ZNF319: variants seen among roughly 807,000 people sequenced by gnomAD.
The protein encoded by ZNF319 is zinc finger protein 319.
Under a neutral mutation model 46.0 loss-of-function variants are expected in ZNF319, and 15 were observed. The observed-to-expected ratio is 0.33, with a 90% CI of 0.22 to 0.50. The LOEUF is 0.50. Ranked by LOEUF, ZNF319 falls within the 20% of genes least tolerant of loss-of-function variation. The pLI is 0.98. For synonymous variants in ZNF319, 368 were observed against 364.0 expected (o/e 1.01, Z -0.13); for missense variants, 635 against 807.0 (o/e 0.79, Z 2.58).
Position 57,997,597 on chromosome 16 carries a change from G to A in ZNF319, c.669C>T (p.Ile223=). Residue 223 remains isoleucine, a synonymous_variant, in exon 2 of 2, where the codon ATC becomes ATT. Transcript: ENST00000299237. The part of the protein sequence containing the change: ...HLSELSRHER[I]HTGEKPYKCT... ...ACTTGTAGGGCTTCTCACCGGTGTGGATCCGCTCATGCCGAGAGAGCTCCG... is the reference window on the plus strand; with the variant it reads ...ACTTGTAGGGCTTCTCACCGGTGTGAATCCGCTCATGCCGAGAGAGCTCCG... 1 of 1,614,196 alleles carries A rather than the reference G, an allele frequency of 6.2e-7. No individual in the cohort carries two copies. Among genetic ancestry groups the A allele is most frequent in the Non-Finnish European group, 8.5e-7 (1 of 1,180,038 alleles).
Position 57,996,969 on chromosome 16 carries a change from A to T in ZNF319, c.1297T>A (p.Cys433Ser). 6.2e-7 allele frequency: 1 copy of T among 1,603,784 alleles called. No homozygotes were observed. The highest frequency in any genetic ancestry group is 8.5e-7 in the Non-Finnish European group (1 of 1,178,932). Residue 433 changes from cysteine (C) to serine (S), a missense_variant, in exon 2 of 2, where the codon TGC becomes AGC. Around this residue, in one of 3 missense-constraint regions of ZNF319, gnomAD observed 270 missense variants for 281.4 expected, o/e 0.96. Coordinates refer to ENST00000299237, the MANE Select transcript of ZNF319 (RefSeq NM_020807.3). ...AAERPFKCPV[C>S]NKAYKRASAL... is the part of the protein sequence containing the mutation. ...GACGCGCGCTTGTAGGCCTTGTTGC[A>T]CACAGGGCACTTGAAGGGCCGCTCG...
In ZNF319 at chr16:57,997,736, G is replaced by T; in HGVS notation, c.530C>A (p.Thr177Asn). The part of the protein sequence containing the change: ...YKPAEAAEPA[T>N]TAAPSLPAAP... ...TGCGGGAAGCGACGGGGCGGCTGTG[G>T]TGGCTGGCTCCGCTGCCTCAGCTGG... Residue 177 changes from threonine to asparagine, a missense_variant, in exon 2 of 2, where the codon ACC becomes AAC. By Grantham distance (65) the Thr-to-Asn change is moderately conservative. This residue lies in a region of ZNF319 where 227 missense variants were observed against 277.5 expected (regional missense o/e 0.82). Transcript: ENST00000299237. 1.2e-6 allele frequency: 2 copies of T among 1,613,584 alleles called. No individual in the cohort carries two copies. Among genetic ancestry groups the T allele is most frequent in the Middle Eastern group, 1.7e-4 (1 of 6,060 alleles).
rs556243288 is a variant in ZNF319 at position 57,996,388 on chromosome 16, C to T, written c.*129G>A. 7 of 1,428,696 alleles carry T rather than the reference C, an allele frequency of 4.9e-6. No individual in the cohort carries two copies. The South Asian group carries it at 6.0e-5, about 12-fold the overall frequency. 88.5% of individuals were successfully genotyped at this position (1,428,696 alleles called of 1,614,324 possible). A position where few individuals can be genotyped will look rare whatever the true frequency, so the allele number is the denominator to read the frequency against. ...CCTCATACCCCTGCGTCCTCACTCC[C>T]GAGGTCTCAGAACACCGAGCTGGGT... On this transcript the variant is annotated 3_prime_UTR_variant, in exon 2 of 2. Coordinates refer to ENST00000299237, the MANE Select transcript of ZNF319 (RefSeq NM_020807.3).
At position 57,999,531 on chromosome 16, in the gene ZNF319, G is replaced by A. The variant is rs563244672; in HGVS notation, c.-296C>T. On this transcript the variant is annotated 5_prime_UTR_variant, in exon 1 of 2. Coordinates refer to ENST00000299237, the MANE Select transcript of ZNF319 (RefSeq NM_020807.3). ...CATGAGGTAATGCCAGCGAGAGGGA[G>A]GAACTTTCAGAGTCAGATGCAACCC... The A allele has an allele frequency of 6.6e-6, 1 of 152,374 alleles. No individual in the cohort carries two copies. Among genetic ancestry groups the A allele is most frequent in the Non-Finnish European group, 1.5e-5 (1 of 68,052 alleles). 9.4% of individuals were successfully genotyped at this position (152,374 alleles called of 1,614,324 possible). A position where few individuals can be genotyped will look rare whatever the true frequency, so the allele number is the denominator to read the frequency against.
rs1597035388 is a variant in ZNF319 at position 57,997,423 on chromosome 16, C to T, written c.843G>A (p.Ser281=). ...TGCAGCGGAACAGGTGGTGCTCGCC[C>T]GAGTGCGCGTACATGTGGCGCACCA... ...SHLVRHMYAH[S]GEHHLFRCNV... The change falls in exon 2 of 2, where the codon TCG becomes TCA. Residue 281 remains serine, a synonymous_variant. Coordinates refer to ENST00000299237, the MANE Select transcript of ZNF319 (RefSeq NM_020807.3). 1.2e-6 allele frequency: 2 copies of T among 1,612,744 alleles called. No homozygotes were observed. Among genetic ancestry groups the T allele is most frequent in the Non-Finnish European group, 1.7e-6 (2 of 1,179,562 alleles).
At position 57,997,828 on chromosome 16, in the gene ZNF319, T is replaced by C; in HGVS notation, c.438A>G (p.Ser146=). 6.2e-7 allele frequency: 1 copy of C among 1,612,754 alleles called. No individual in the cohort carries two copies. Residue 146 remains serine, a synonymous_variant, in exon 2 of 2, where the codon TCA becomes TCG. Transcript: ENST00000299237. ...TGTGGGAGCTGTGGTGCTGTGCCAG[T>C]GAGGTGAGTAGTGAGAAGCCCATCT... is the stretch of plus-strand genomic sequence containing the variant. The part of the protein sequence containing the change: ...VCKMGFSLLT[S]LAQHHSSHSG...
Position 57,997,671 on chromosome 16 carries a change from C to A in ZNF319, c.595G>T (p.Asp199Tyr). 1 of 1,613,900 alleles carries A rather than the reference C, an allele frequency of 6.2e-7. No homozygotes were observed. The highest frequency in any genetic ancestry group is 8.5e-7 in the Non-Finnish European group (1 of 1,180,030). Residue 199 changes from aspartate to tyrosine, a missense_variant, in exon 2 of 2, where the codon GAC (aspartate) becomes TAC (tyrosine). Around this residue, in one of 3 missense-constraint regions of ZNF319, gnomAD observed 227 missense variants for 277.5 expected, o/e 0.82. Transcript: ENST00000299237. ...CAGATGGGGCAGCTGTAGGGCTTGT[C>A]GGCCTGTTCAGCAGGGGTGACAGTG... is the stretch of plus-strand genomic sequence containing the variant. ...PSTVTPAEQADKPYSCPICQK... is the reference protein window; with the variant it reads ...PSTVTPAEQAYKPYSCPICQK...
Position 57,998,200 on chromosome 16 carries a change from C to T in ZNF319, c.66G>A (p.Gln22=). Residue 22 remains glutamine, a synonymous_variant, in exon 2 of 2, where the codon CAG becomes CAA. Coordinates refer to ENST00000299237, the MANE Select transcript of ZNF319 (RefSeq NM_020807.3). Reference sequence around the variant, plus strand: ...GGGCTGGCGGTGGCTCTGCATGGTGCTGAGGCTGCGGTGGCTGTGGCTGCT... The same window carrying T: ...GGGCTGGCGGTGGCTCTGCATGGTGTTGAGGCTGCGGTGGCTGTGGCTGCT... ...QPQQPQPPQP[Q]HHAEPPPALA... The T allele has an allele frequency of 1.6e-5, 25 of 1,545,410 alleles. No homozygotes were observed. The highest frequency in any genetic ancestry group is 2.3e-5 in the East Asian group (1 of 44,172).
rs1274758892 is a variant in ZNF319, at chr16:57,995,912, C to G, written c.*605G>C. ...CAGGCAGACCCAGCCCCAAGACCCA[C>G]CCTGCACATCTCCCCTGCCAGAAAC... On this transcript the variant is annotated 3_prime_UTR_variant, in exon 2 of 2. Transcript: ENST00000299237. 6.5e-6 allele frequency: 1 copy of G among 152,716 alleles called. No homozygotes were observed. The highest frequency in any genetic ancestry group is 1.9e-4 in the East Asian group (1 of 5,204). 9.5% of individuals were successfully genotyped at this position (152,716 alleles called of 1,614,324 possible).
Position 57,998,137 on chromosome 16 carries a change from G to A in ZNF319, c.129C>T (p.Asn43=), listed in dbSNP as rs1343871782. 2 of 1,589,736 alleles carry A rather than the reference G, an allele frequency of 1.3e-6. No homozygotes were observed. The highest frequency in any genetic ancestry group is 1.7e-6 in the Non-Finnish European group (2 of 1,164,922). The change falls in exon 2 of 2, where the codon AAC becomes AAT. Residue 43 remains asparagine, a synonymous_variant. Transcript: ENST00000299237. ...EHTLPPGTAE[N]PLGCAVYGIL... is the part of the protein sequence containing the mutation. ...TGCCATAGACGGCACAGCCCAGGGG[G>A]TTCTCCGCCGTGCCCGGAGGCAGCG...
rs200484583 is a variant in ZNF319, at chr16:57,998,183, G to A, written c.83C>T (p.Pro28Leu). ...PPQPQHHAEP[P>L]PALAEHTLPP... The stretch of plus-strand genomic sequence containing the variant: ...CAGCGTGTGCTCTGCCAGGGCTGGC[G>A]GTGGCTCTGCATGGTGCTGAGGCTG... The change falls in exon 2 of 2, where the codon CCG becomes CTG. Residue 28 changes from proline (P) to leucine (L), a missense_variant. Pro to Leu is a moderately conservative substitution (Grantham distance 98). Coordinates refer to ENST00000299237, the MANE Select transcript of ZNF319 (RefSeq NM_020807.3). The A allele has an allele frequency of 1.7e-5, 26 of 1,563,340 alleles. No individual in the cohort carries two copies. The highest frequency in any genetic ancestry group is 1.7e-4 in the Middle Eastern group (1 of 5,822).
At position 57,998,147 on chromosome 16, in the gene ZNF319, G is replaced by A. The variant is rs140221275; in HGVS notation, c.119C>T (p.Thr40Met). The change falls in exon 2 of 2, where the codon ACG becomes ATG. Residue 40 changes from threonine (T) to methionine (M), a missense_variant. Thr to Met is a moderately conservative substitution (Grantham distance 81). Around this residue, in one of 3 missense-constraint regions of ZNF319, gnomAD observed 227 missense variants for 277.5 expected, o/e 0.82. Coordinates refer to ENST00000299237, the MANE Select transcript of ZNF319 (RefSeq NM_020807.3). ...GGCACAGCCCAGGGGGTTCTCCGCC[G>A]TGCCCGGAGGCAGCGTGTGCTCTGC... is the stretch of plus-strand genomic sequence containing the variant. ...ALAEHTLPPGTAENPLGCAVY... is the reference protein window; with the variant it reads ...ALAEHTLPPGMAENPLGCAVY... 70 of 1,582,140 alleles carry A rather than the reference G, an allele frequency of 4.4e-5. 1 individual carries two copies. The Middle Eastern group carries it at 5.0e-4, about 11-fold the overall frequency.
In ZNF319 at chr16:57,996,651, C is replaced by G; in HGVS notation, c.1615G>C (p.Glu539Gln). ...LNKHQGVHAR[E>Q]QQFKCVWCGE... ...CACCATACACACTTGAACTGCTGCT[C>G]GCGGGCGTGCACGCCCTGGTGCTTG... Residue 539 changes from glutamate (E) to glutamine (Q), a missense_variant, in exon 2 of 2, where the codon GAG becomes CAG. Physicochemically the swap from Glu to Gln is conservative, Grantham distance 29. This residue lies in a region of ZNF319 where 270 missense variants were observed against 281.4 expected (regional missense o/e 0.96). Transcript: ENST00000299237. 7 of 1,612,674 alleles carry G rather than the reference C, an allele frequency of 4.3e-6. No homozygotes were observed. The highest frequency in any genetic ancestry group is 5.9e-6 in the Non-Finnish European group (7 of 1,179,984).
Position 57,996,619 on chromosome 16 carries a change from C to T in ZNF319, c.1647G>A (p.Glu549=). Residue 549 remains glutamate, a synonymous_variant, in exon 2 of 2, where the codon GAG becomes GAA. Transcript: ENST00000299237. ...EQQFKCVWCG[E]RFLDVALLQE... is the part of the protein sequence containing the mutation. ...GCAACAAGGCCACGTCTAGGAAGCGCTCCCCGCACCATACACACTTGAACT... is the reference window on the plus strand; with the variant it reads ...GCAACAAGGCCACGTCTAGGAAGCGTTCCCCGCACCATACACACTTGAACT... The T allele has an allele frequency of 6.2e-7, 1 of 1,610,012 alleles. No individual in the cohort carries two copies. The highest frequency in any genetic ancestry group is 8.5e-7 in the Non-Finnish European group (1 of 1,179,904).
Position 57,996,689 on chromosome 16 carries a change from C to T in ZNF319, c.1577G>A (p.Arg526Gln). 6.2e-7 allele frequency: 1 copy of T among 1,613,328 alleles called. No individual in the cohort carries two copies. Among genetic ancestry groups the T allele is most frequent in the Non-Finnish European group, 8.5e-7 (1 of 1,179,982 alleles). ...GCCCTGGTGCTTGTTGAGATGCTCC[C>T]GCTGCTTGAAGGCCTTGTCGCAGTT... ...CPNCDKAFKQREHLNKHQGVH... is the reference protein window; with the variant it reads ...CPNCDKAFKQQEHLNKHQGVH... The change falls in exon 2 of 2, where the codon CGG becomes CAG. Residue 526 changes from arginine (R) to glutamine (Q), a missense_variant. Arg to Gln is a conservative substitution (Grantham distance 43, BLOSUM62 1). This residue lies in a region of ZNF319 where 270 missense variants were observed against 281.4 expected (regional missense o/e 0.96). Transcript: ENST00000299237.
In ZNF319 at chr16:57,998,138, T is replaced by C. The variant is rs1178673686; in HGVS notation, c.128A>G (p.Asn43Ser). The C allele has an allele frequency of 6.3e-7, 1 of 1,589,216 alleles. No individual in the cohort carries two copies. Among genetic ancestry groups the C allele is most frequent in the African/African-American group, 1.3e-5 (1 of 74,492 alleles). The stretch of plus-strand genomic sequence containing the variant: ...GCCATAGACGGCACAGCCCAGGGGG[T>C]TCTCCGCCGTGCCCGGAGGCAGCGT... ...EHTLPPGTAE[N>S]PLGCAVYGIL... is the part of the protein sequence containing the mutation. Residue 43 changes from asparagine (N) to serine (S), a missense_variant, in exon 2 of 2, where the codon AAC becomes AGC. Physicochemically the swap from Asn to Ser is conservative, Grantham distance 46 (BLOSUM62 1). Around this residue, in one of 3 missense-constraint regions of ZNF319, gnomAD observed 227 missense variants for 277.5 expected, o/e 0.82. Transcript: ENST00000299237.
Position 57,997,853 on chromosome 16 carries a change from T to C in ZNF319, c.413A>G (p.Lys138Arg), listed in dbSNP as rs567249778. The C allele has an allele frequency of 8.1e-6, 13 of 1,613,152 alleles. No individual in the cohort carries two copies. The highest frequency in any genetic ancestry group is 1.6e-4 in the Middle Eastern group (1 of 6,062). ...TGAGGTGAGTAGTGAGAAGCCCATC[T>C]TGCAGACCCCACAGACGAAGGGCTT... The part of the protein sequence containing the change: ...EQKPFVCGVC[K>R]MGFSLLTSLA... The change falls in exon 2 of 2, where the codon AAG becomes AGG. Residue 138 changes from lysine to arginine, a missense_variant. Coordinates refer to ENST00000299237, the MANE Select transcript of ZNF319 (RefSeq NM_020807.3).
Position 57,996,613 on chromosome 16 carries a change from G to C in ZNF319, c.1653C>G (p.Phe551Leu). ...GCTCCTGCAACAAGGCCACGTCTAG[G>C]AAGCGCTCCCCGCACCATACACACT... ...QFKCVWCGER[F>L]LDVALLQEHS... The change falls in exon 2 of 2, where the codon TTC becomes TTG. Residue 551 changes from phenylalanine (F) to leucine (L), a missense_variant. Transcript: ENST00000299237. The C allele has an allele frequency of 6.2e-7, 1 of 1,609,008 alleles. No homozygotes were observed. Among genetic ancestry groups the C allele is most frequent in the South Asian group, 1.1e-5 (1 of 90,978 alleles).
chr16:57,998,094 G>C lies in ZNF319; in HGVS notation c.172C>G (p.Pro58Ala), dbSNP rs777878725. The stretch of plus-strand genomic sequence containing the variant: ...GCGTGTTGTGGGGGCTGCAGGCCGG[G>C]GTCTGGCTGCAGGAGGATGCCATAG... ...AVYGILLQPD[P>A]GLQPPQHAPL... The change falls in exon 2 of 2, where the codon CCC becomes GCC. Residue 58 changes from proline (P) to alanine (A), a missense_variant. This residue lies in a region of ZNF319 where 227 missense variants were observed against 277.5 expected (regional missense o/e 0.82). Transcript: ENST00000299237. 1 of 1,607,870 alleles carries C rather than the reference G, an allele frequency of 6.2e-7. No homozygotes were observed. Among genetic ancestry groups the C allele is most frequent in the Non-Finnish European group, 8.5e-7 (1 of 1,178,366 alleles).
Sources: allele counts gnomAD v4.1 joint callset, GRCh38; gene constraint gnomAD v4.1.1; regional missense constraint gnomAD v4.1.1; transcripts MANE v1.5; gene names NCBI Gene and HGNC (gene_info 2026-07-23, HGNC 2026-07-21).